Variants in NBPF6 observed in about 807,000 individuals in gnomAD.
The protein encoded by NBPF6 is NBPF family member NBPF6.
Under a neutral mutation model 20.8 loss-of-function variants are expected in NBPF6, and 2 were observed. The ratio of observed to expected loss-of-function variants is 0.10; its 90% CI spans 0.04 to 0.30. The LOEUF is 0.30. Among genes scored for constraint, NBPF6 ranks in the 10% least tolerant of loss-of-function variants. NBPF6 has a pLI of 1.00. For synonymous variants in NBPF6, 24 were observed against 100.0 expected, an observed-to-expected ratio of 0.24 and a Z score of 4.53; for missense variants, 85 against 260.3, an observed-to-expected ratio of 0.33 and a Z score of 4.63.
intron 3 of NBPF6, among the ~76,000 whole-genome samples, chr1:108,452,709 A>C (rs202007833): frequency 0.12 from 8,188 of 66,580 alleles, 2,516 homozygotes; most frequent in East Asian, 0.35. Context: ...TTCTTCTTTC[A>C]TCTTTCCAAT....
In NBPF6 at chr1:108,471,581, T is replaced by C. The variant is rs765328687; in HGVS notation, c.*943T>C. ...TAACAATCTTCTTCTGAGTATTTTA[T>C]CATCAATTAATCACCCCTGCCTGTG... On this transcript the variant is annotated 3_prime_UTR_variant, in exon 15 of 15. Transcript: ENST00000495380. Among the ~76,000 whole-genome samples the C allele has an allele frequency of 3.9e-5, 6 of 152,242 alleles. No homozygotes were observed. Among genetic ancestry groups the C allele is most frequent in the African/African-American group, 9.6e-5 (4 of 41,468 alleles).
At chr1:108,449,356 G>A (rs1190146738), upstream of NBPF6, among the ~76,000 whole-genome samples, 1 of 15,548 alleles carries the variant, frequency 6.4e-5, no homozygotes, top group African/African-American at 9.0e-5. Context: ...GTGACCATGA[G>A]CTTGATCTTG....
In NBPF6 at chr1:108,471,794, T is replaced by C. The variant is rs1218342043; in HGVS notation, c.*1156T>C. Among the ~76,000 whole-genome samples, 1 of 152,232 alleles carries C rather than the reference T, an allele frequency of 6.6e-6. No homozygotes were observed. Among genetic ancestry groups the C allele is most frequent in the African/African-American group, 2.4e-5 (1 of 41,460 alleles). ...TTTAAATCACTTTAATTAAATTTTT[T>C]TGCCTATCACCCTGGACTAGTGAAT... is the stretch of plus-strand genomic sequence containing the variant. On this transcript the variant is annotated 3_prime_UTR_variant, in exon 15 of 15. Transcript: ENST00000495380.
chr1:108,437,760 AAGGAAGGGAGGGAGGG>A, the NBPF6 span, among the ~76,000 whole-genome samples: 1 of 38,916 alleles, frequency 2.6e-5, no homozygotes, highest in Non-Finnish European at 5.9e-5. Flanking sequence ...GGAAGGAAGG[AAGGAAGGGAGGGAGGG>A]AGGGAGGGAG....
At chr1:108,470,542 C>G in intron 14 of NBPF6, 55 bp from the exon 15 acceptor site, 1 of 1,276,108 alleles carries the variant, frequency 7.8e-7, no homozygotes, top group Non-Finnish European at 1.1e-6. Flanking sequence ...ACTCAGCCAT[C>G]AGGTGGACCT....
chr1:108,440,203 C>T, the NBPF6 span, among the ~76,000 whole-genome samples: 1 of 6,800 alleles, frequency 1.5e-4, no homozygotes, highest in African/African-American at 3.8e-4. Context: ...CGCTTGAACC[C>T]GGAAAGTGGA....
chr1:108,447,810 A>G (rs1355461728), upstream of NBPF6, among the ~76,000 whole-genome samples: 2 of 143,698 alleles, frequency 1.4e-5, no homozygotes, highest in Non-Finnish European at 3.1e-5. Flanking sequence ...CTGAGAGACA[A>G]TGAGTGGCAC....
chr1:108,467,827 TG>T (rs1354313606), intron 14 of NBPF6, among the ~76,000 whole-genome samples, 162 bp downstream of exon 14: 1 of 151,074 alleles, frequency 6.6e-6, no homozygotes, highest in Non-Finnish European at 1.5e-5. Flanking sequence ...CCACCCTGAC[TG>T]GCCCCTTCTC....
At position 108,467,625 on chromosome 1, in the gene NBPF6, T is replaced by C; in HGVS notation, c.1835T>C (p.Leu612Pro). The C allele has an allele frequency of 1.3e-6, 2 of 1,549,678 alleles. No homozygotes were observed. The highest frequency in any genetic ancestry group is 2.4e-5 in the East Asian group (1 of 40,912). Residue 612 changes from leucine to proline, a missense_variant, in exon 14 of 15, where the codon CTG (leucine) becomes CCG (proline). Leu to Pro is a moderately conservative substitution (Grantham distance 98). Transcript: ENST00000495380. ...RRRLPFSKWR[L>P]AFRFAGPHAE... Reference sequence around the variant, plus strand: ...AGACTCCCGTTCAGCAAGTGGAGACTGGCATTCAGATTCGCTGGCCCGCAT... The same window carrying C: ...AGACTCCCGTTCAGCAAGTGGAGACCGGCATTCAGATTCGCTGGCCCGCAT...
chr1:108,448,170 A>G (rs546847117), upstream of NBPF6, among the ~76,000 whole-genome samples: 30 of 145,758 alleles, frequency 2.1e-4, no homozygotes, highest in South Asian at 5.2e-3. Context: ...TCCCAGCGGA[A>G]AGCATGCCTC....
chr1:108,452,912 G>A (rs61797102), intron 3 of NBPF6, among the ~76,000 whole-genome samples: 1 of 68,274 alleles, frequency 1.5e-5, no homozygotes, highest in African/African-American at 5.1e-5. Context: ...ACATCTGTGA[G>A]GATCTTACAG....
At chr1:108,449,415 A>ACTCTCTCT (rs1299854596), upstream of NBPF6, among the ~76,000 whole-genome samples, 1 of 9,606 alleles carries the variant, frequency 1.0e-4, no homozygotes, top group African/African-American at 1.5e-4. Context: ...TGTTAGAACA[A>ACTCTCTCT]CTATATATAT....
In NBPF6 at chr1:108,471,350, C is replaced by T. The variant is rs145237351; in HGVS notation, c.*712C>T. Reference sequence around the variant, plus strand: ...GATTAAATTCAGCCTAAACATTTTGCCAGGAACTCTGCAGAGTCCATGCTG... The same window carrying T: ...GATTAAATTCAGCCTAAACATTTTGTCAGGAACTCTGCAGAGTCCATGCTG... On this transcript the variant is annotated 3_prime_UTR_variant, in exon 15 of 15. Transcript: ENST00000495380. Among the ~76,000 whole-genome samples the T allele has an allele frequency of 3.2e-3, 494 of 152,204 alleles. 2 individuals carry two copies. The highest frequency in any genetic ancestry group is 0.011 in the African/African-American group (473 of 41,524).
chr1:108,467,453 C>T lies in NBPF6; in HGVS notation c.1663C>T (p.Leu555=). 6.6e-7 allele frequency: 1 copy of T among 1,504,396 alleles called. No individual in the cohort carries two copies. Among genetic ancestry groups the T allele is most frequent in the Non-Finnish European group, 9.0e-7 (1 of 1,105,944 alleles). The allele number at this position is 1,504,396 out of a possible 1,614,324, so 93.2% of individuals were successfully genotyped here. A position where few individuals can be genotyped will look rare whatever the true frequency, so the allele number is the denominator to read the frequency against. The part of the protein sequence containing the change: ...DSGNQWPFQE[L]VLEPSLGMKN... Reference sequence around the variant, plus strand: ...ATTGGCTGTGGTTTTCTTTTCAGAGCTGGTTTTAGAGCCCTCTCTGGGGAT... The same window carrying T: ...ATTGGCTGTGGTTTTCTTTTCAGAGTTGGTTTTAGAGCCCTCTCTGGGGAT... The change falls in exon 14 of 15, where the codon CTG becomes TTG. Residue 555 remains leucine, a splice_region_variant and synonymous_variant. Coordinates refer to ENST00000495380, the MANE Select transcript of NBPF6 (RefSeq NM_001143988.2).
At position 108,470,631 on chromosome 1, in the gene NBPF6, T is replaced by G. The variant is rs371591498; in HGVS notation, c.1910T>G (p.Ile637Arg). ...ACTGCTGAAAGGATGCAAAGGATGA[T>G]AGGATGAAAGAATGTCACAAAAAGC... ...PNTAERMQRM[I>R]G Residue 637 changes from isoleucine to arginine, a missense_variant, in exon 15 of 15, where the codon ATA becomes AGA. Physicochemically the swap from Ile to Arg is moderately conservative, Grantham distance 97. Coordinates refer to ENST00000495380, the MANE Select transcript of NBPF6 (RefSeq NM_001143988.2). 19 of 1,557,914 alleles carry G rather than the reference T, an allele frequency of 1.2e-5. No individual in the cohort carries two copies. Among genetic ancestry groups the G allele is most frequent in the African/African-American group, 2.7e-5 (2 of 72,924 alleles).
At chr1:108,449,460 A>C (rs1324670284), upstream of NBPF6, among the ~76,000 whole-genome samples, 8 of 10,534 alleles carry the variant, frequency 7.6e-4, no homozygotes, top group African/African-American at 7.3e-4. Flanking sequence ...ATATATATAT[A>C]TCTCCAACAA....
rs1344812227 is a variant in NBPF6 at position 108,471,846 on chromosome 1, T to C, written c.*1208T>C. Among the ~76,000 whole-genome samples the C allele has an allele frequency of 2.0e-5, 3 of 152,216 alleles. No homozygotes were observed. The highest frequency in any genetic ancestry group is 4.4e-5 in the Non-Finnish European group (3 of 68,028). On this transcript the variant is annotated 3_prime_UTR_variant, in exon 15 of 15. Coordinates refer to ENST00000495380, the MANE Select transcript of NBPF6 (RefSeq NM_001143988.2). ...TTTCACATACAATGTTTTAAGCTTT[T>C]ATTTTATTATTGGTTTTCATGGATA...
At chr1:108,448,381 A>G (rs1652693226), upstream of NBPF6, among the ~76,000 whole-genome samples, 1 of 149,236 alleles carries the variant, frequency 6.7e-6, no homozygotes, top group Non-Finnish European at 1.5e-5. Context: ...CCAGGGGAAG[A>G]CCCAAGTCTC....
At chr1:108,435,839 C>CG in the NBPF6 span, among the ~76,000 whole-genome samples, 3 of 57,278 alleles carry the variant, frequency 5.2e-5, 1 homozygote, top group African/African-American at 1.4e-4. Flanking sequence ...AGGACCCCCC[C>CG]CCGAAAGATA....
Sources: gnomAD v4.1 joint callset for allele counts (sites outside exome capture counted in the v4.1 genomes callset) on GRCh38, gnomAD v4.1.1 for gene constraint, MANE v1.5 for transcripts, NCBI Gene and HGNC (gene_info 2026-07-23, HGNC 2026-07-21) for gene names.